RERE: variants seen among roughly 807,000 people sequenced by gnomAD.
RERE encodes the protein arginine-glutamic acid dipeptide repeats.
A neutral mutation model predicts 146.1 loss-of-function variants in RERE; 40 were observed. That is an observed-to-expected ratio of 0.27 (90% CI 0.21 to 0.36). The LOEUF (loss-of-function observed/expected upper bound fraction) is 0.36. Among genes scored for constraint, RERE ranks in the 10% least tolerant of loss-of-function variants. The probability of loss-of-function intolerance (pLI) is 1.00; values close to 1 mark genes in which losing one functional copy is unlikely to be tolerated. For missense variants in RERE, 1,933 were observed against 2,138.7 expected (o/e 0.90, Z 1.90); for synonymous variants, 1,003 against 866.0 (o/e 1.16, Z -2.78).
Position 8,423,673 on chromosome 1 carries a change from G to C in RERE, c.1204-866C>G. 2.0e-6 allele frequency: 2 copies of C among 983,978 alleles called. No homozygotes were observed. The highest frequency in any genetic ancestry group is 2.4e-6 in the Non-Finnish European group (2 of 829,548). 61.0% of individuals were successfully genotyped at this position (983,978 alleles called of 1,614,324 possible). On this transcript the variant is annotated intron_variant, in intron 11 of 22. Coordinates refer to ENST00000400908, the MANE Select transcript of RERE (RefSeq NM_001042681.2). The surrounding 1 kb of genome is among the most constrained non-coding windows in gnomAD (Gnocchi z 5.4). ...TGTCACTGGGCTCCGGCTCCACAAA[G>C]CGCAGGGCGGAGGCGGCCGCGGGTG...
chr1:8,458,272 G>A (rs1219386498), intron 11 of RERE, among the ~76,000 whole-genome samples: 1 of 152,120 alleles, frequency 6.6e-6, no homozygotes, highest in Non-Finnish European at 1.5e-5. Context: ...AGATGATAGA[G>A]AGTGGCTGAA....
chr1:8,673,374 G>A (rs1462408403), intron 1 of RERE, among the ~76,000 whole-genome samples: 3 of 152,308 alleles, frequency 2.0e-5, no homozygotes, highest in Admixed American at 1.3e-4. Context: ...GGGATTACAG[G>A]CGTGAGCCAC....
intron 2 of RERE, among the ~76,000 whole-genome samples, chr1:8,633,701 T>C (rs925831784): frequency 3.3e-5 from 5 of 151,706 alleles, no homozygotes; most frequent in African/African-American, 1.2e-4. Context: ...CCGAGGCAGG[T>C]GGATCGTGTG....
intron 12 of RERE, among the ~76,000 whole-genome samples, chr1:8,409,971 A>ATTTTTT (rs57424627): frequency 1.0e-5 from 1 of 95,390 alleles, no homozygotes; most frequent in African/African-American, 4.1e-5. Flanking sequence ...CAATCAGGCA[A>ATTTTTT]TTTTTTTTTT....
chr1:8,423,440 C>T lies in RERE; in HGVS notation c.1204-633G>A. On this transcript the variant is annotated intron_variant, in intron 11 of 22. Transcript: ENST00000400908. The surrounding 1 kb of genome is among the most constrained non-coding windows in gnomAD (Gnocchi z 5.4). Reference sequence around the variant, plus strand: ...CGCCCTCCCGACGCCACTCGCCGCCCCCATCCATTTTCGCAGCAGACTCGT... The same window carrying T: ...CGCCCTCCCGACGCCACTCGCCGCCTCCATCCATTTTCGCAGCAGACTCGT... 1 of 670,286 alleles carries T rather than the reference C, an allele frequency of 1.5e-6. No individual in the cohort carries two copies. The highest frequency in any genetic ancestry group is 1.8e-6 in the Non-Finnish European group (1 of 541,610). 41.5% of individuals were successfully genotyped at this position (670,286 alleles called of 1,614,324 possible). A position where few individuals can be genotyped will look rare whatever the true frequency, so the allele number is the denominator to read the frequency against.
At chr1:8,411,253 C>T (rs1643606796) in intron 12 of RERE, among the ~76,000 whole-genome samples, 1 of 151,224 alleles carries the variant, frequency 6.6e-6, no homozygotes, top group Non-Finnish European at 1.5e-5. Context: ...GAGAGAGGCA[C>T]ATGGACTTTT....
Position 8,358,580 on chromosome 1 carries a change from G to A in RERE, c.3955C>T (p.Leu1319=). 6.2e-7 allele frequency: 1 copy of A among 1,605,784 alleles called. No individual in the cohort carries two copies. The highest frequency in any genetic ancestry group is 8.5e-7 in the Non-Finnish European group (1 of 1,176,536). The change falls in exon 20 of 23, where the codon CTG becomes TTG. Residue 1319 remains leucine, a synonymous_variant. Transcript: ENST00000400908. Reference sequence around the variant, plus strand: ...AAGCCCGGCTTCATCCTCTCCCGCAGCTCCCGCTCTCGGATCTCCCGCTCT... The same window carrying A: ...AAGCCCGGCTTCATCCTCTCCCGCAACTCCCGCTCTCGGATCTCCCGCTCT... ...IREREIRERE[L]RERMKPGFEV... is the part of the protein sequence containing the mutation.
At chr1:8,427,508 A>G (rs576416296) in intron 11 of RERE, among the ~76,000 whole-genome samples, 1 of 152,234 alleles carries the variant, frequency 6.6e-6, no homozygotes, top group East Asian at 1.9e-4. Context: ...TGAACGTTTC[A>G]CAGGTATCTC....
At chr1:8,411,495 G>A (rs1436491218) in intron 12 of RERE, among the ~76,000 whole-genome samples, 2 of 152,038 alleles carry the variant, frequency 1.3e-5, no homozygotes, top group Non-Finnish European at 2.9e-5. Flanking sequence ...ACAAATGCCA[G>A]TATTCTGGTT....
chr1:8,358,513 G>C lies in RERE; in HGVS notation c.4022C>G (p.Ala1341Gly). Residue 1341 changes from alanine to glycine, a missense_variant, in exon 20 of 23, where the codon GCC becomes GGC. By Grantham distance (60) the Ala-to-Gly change is moderately conservative (BLOSUM62 0). Transcript: ENST00000400908. ...CCGGGCAAAGTGCTCCATGGGGTTG[G>C]CGGCTGGGTGCAGGGGGTCCAGCTC... ...PPELDPLHPAANPMEHFARHS... is the reference protein window; with the variant it reads ...PPELDPLHPAGNPMEHFARHS... 1 of 1,592,706 alleles carries C rather than the reference G, an allele frequency of 6.3e-7. No homozygotes were observed. Among genetic ancestry groups the C allele is most frequent in the Non-Finnish European group, 8.5e-7 (1 of 1,170,282 alleles).
Position 8,524,555 on chromosome 1 carries a change from C to T in RERE, c.831-15880G>A, listed in dbSNP as rs114826429. 2.0e-3 allele frequency among the ~76,000 whole-genome samples: 301 copies of T among 152,240 alleles called. 1 individual carries two copies. The highest frequency in any genetic ancestry group is 7.0e-3 in the African/African-American group (292 of 41,542). On this transcript the variant is annotated intron_variant, in intron 7 of 22. Transcript: ENST00000400908. ...TATGAGGGTTTTTCAGTTGCACATT[C>T]TTCTATATTGTATGCTTTCTTCCAT...
Position 8,359,755 on chromosome 1 carries a change from T to TG in RERE, c.3618+8dup. The stretch of plus-strand genomic sequence containing the variant: ...GCCCCCCGTCACACCTCGCCAACCC[T>TG]GGACTCACAGCCGCCCGCTCTGCCT... On this transcript the variant is annotated intron_variant, in intron 19 of 22. Transcript: ENST00000400908. The TG allele has an allele frequency of 6.3e-7, 1 of 1,599,034 alleles. No homozygotes were observed. Among genetic ancestry groups the TG allele is most frequent in the Non-Finnish European group, 8.5e-7 (1 of 1,179,352 alleles).
At chr1:8,593,306 T>C (rs1646516600) in intron 4 of RERE, among the ~76,000 whole-genome samples, 1 of 152,164 alleles carries the variant, frequency 6.6e-6, no homozygotes. Context: ...CATCTTGAAT[T>C]GTAGCTCCCA....
At chr1:8,416,349 G>T (rs1016586719) in intron 12 of RERE, among the ~76,000 whole-genome samples, 1 of 152,120 alleles carries the variant, frequency 6.6e-6, no homozygotes, top group Non-Finnish European at 1.5e-5. Flanking sequence ...ACTTTGGGAG[G>T]CCAAGGCGGG....
chr1:8,380,709 A>G (rs542409212), intron 12 of RERE: 1 of 377,796 alleles, frequency 2.6e-6, no homozygotes, highest in Non-Finnish European at 5.2e-6. Flanking sequence ...ACTTTTCAAC[A>G]CAAGTCAAAA....
intron 2 of RERE, among the ~76,000 whole-genome samples, chr1:8,639,064 C>T (rs895811307): frequency 6.6e-6 from 1 of 152,046 alleles, no homozygotes; most frequent in Admixed American, 6.5e-5. Flanking sequence ...TGAGCCACCG[C>T]GCCCAGCCAA....
At chr1:8,662,726 C>G (rs1638483901) in intron 1 of RERE, among the ~76,000 whole-genome samples, 1 of 151,970 alleles carries the variant, frequency 6.6e-6, no homozygotes, top group African/African-American at 2.4e-5. Context: ...AAACCACTTC[C>G]TGTCAGTACT....
At chr1:8,527,247 G>C (rs1645581336) in intron 7 of RERE, among the ~76,000 whole-genome samples, 1 of 152,142 alleles carries the variant, frequency 6.6e-6, no homozygotes, top group Non-Finnish European at 1.5e-5. Context: ...CCTAACACAT[G>C]AAACAAGTAT....
chr1:8,679,463 G>A (rs771334196), intron 1 of RERE, among the ~76,000 whole-genome samples: 3 of 152,190 alleles, frequency 2.0e-5, no homozygotes, highest in South Asian at 2.1e-4. Context: ...ATCTTACACC[G>A]TCAGCACTCT....
Sources: allele counts gnomAD v4.1 joint callset (sites outside exome capture counted in the v4.1 genomes callset), GRCh38; gene constraint gnomAD v4.1.1; non-coding constraint Gnocchi (gnomAD v3.1); transcripts MANE v1.5; gene names NCBI Gene and HGNC (gene_info 2026-07-23, HGNC 2026-07-21).